Variants in LAPTM4B observed in about 807,000 individuals in gnomAD.
The protein encoded by LAPTM4B is lysosomal-associated transmembrane protein 4B.
A neutral mutation model predicts 28.5 loss-of-function variants in LAPTM4B; 26 were observed. The observed-to-expected ratio is 0.91, with a 90% CI of 0.67 to 1.27. The LOEUF is 1.27. Among genes scored for constraint, LAPTM4B ranks in the 50% most tolerant of loss-of-function variants. The probability of loss-of-function intolerance (pLI) is 0.00; values close to 1 mark genes in which losing one functional copy is unlikely to be tolerated. For missense variants in LAPTM4B, 288 were observed against 285.8 expected (o/e 1.01, Z -0.06); for synonymous variants, 109 against 106.4 (o/e 1.02, Z -0.15).
intron 1 of LAPTM4B, among the ~76,000 whole-genome samples, chr8:97,797,514 A>C (rs2129753651): frequency 6.6e-6 from 1 of 152,346 alleles, no homozygotes; most frequent in African/African-American, 2.4e-5. Context: ...TTTAAAAAAT[A>C]AGATTTTAAT....
At chr8:97,817,233 G>A (rs1251872726) in intron 4 of LAPTM4B, among the ~76,000 whole-genome samples, 3 of 151,308 alleles carry the variant, frequency 2.0e-5, no homozygotes, top group East Asian at 2.0e-4. Flanking sequence ...CCAGGCTCCC[G>A]TGATCCTCCC....
intron 2 of LAPTM4B, among the ~76,000 whole-genome samples, chr8:97,812,954 C>G (rs1020199701): frequency 1.3e-5 from 2 of 152,250 alleles, no homozygotes; most frequent in Non-Finnish European, 2.9e-5. Flanking sequence ...CCTAACCAAA[C>G]TGTGTACATT....
intron 1 of LAPTM4B, among the ~76,000 whole-genome samples, chr8:97,788,700 A>ATTT (rs11394203): frequency 6.8e-6 from 1 of 147,710 alleles, no homozygotes. Context: ...TCTGACAGCC[A>ATTT]TTTTTTTTTT....
At chr8:97,842,235 T>C (rs1817359918) in intron 6 of LAPTM4B, among the ~76,000 whole-genome samples, 1 of 152,040 alleles carries the variant, frequency 6.6e-6, no homozygotes, top group Admixed American at 6.6e-5. Flanking sequence ...ATTTTTCTTT[T>C]GAATTTTTTT....
intron 1 of LAPTM4B, among the ~76,000 whole-genome samples, chr8:97,803,092 G>A (rs532275131): frequency 8.6e-5 from 13 of 151,712 alleles, no homozygotes; most frequent in African/African-American, 2.4e-4. Context: ...CCAGCTACTC[G>A]AGAGGCTGAG....
At chr8:97,821,360 C>A (rs370602379) in intron 5 of LAPTM4B, among the ~76,000 whole-genome samples, 36 of 151,940 alleles carry the variant, frequency 2.4e-4, no homozygotes, top group African/African-American at 8.0e-4. Context: ...GTGATCAGAC[C>A]CAACACCAGG....
intron 1 of LAPTM4B, among the ~76,000 whole-genome samples, chr8:97,792,115 A>G (rs995192249): frequency 6.6e-6 from 1 of 152,326 alleles, no homozygotes; most frequent in Middle Eastern, 3.4e-3. Flanking sequence ...CTCAGAGTCT[A>G]TAACCAAAGA....
intron 1 of LAPTM4B, among the ~76,000 whole-genome samples, chr8:97,781,322 C>G (rs1361914856): frequency 1.2e-5 from 1 of 81,672 alleles, no homozygotes; most frequent in Non-Finnish European, 2.2e-5. Flanking sequence ...TCTTATTGCT[C>G]AGGCCGAAGT....
At chr8:97,850,394 G>A (rs1453397929) in intron 6 of LAPTM4B, among the ~76,000 whole-genome samples, 1 of 151,128 alleles carries the variant, frequency 6.6e-6, no homozygotes, top group African/African-American at 2.5e-5. Flanking sequence ...AGTGAGACCT[G>A]GCTTCAGCCC....
At chr8:97,820,377 T>C (rs1411110944) in intron 5 of LAPTM4B, among the ~76,000 whole-genome samples, 1 of 147,970 alleles carries the variant, frequency 6.8e-6, no homozygotes, top group African/African-American at 2.5e-5. Context: ...TCCCAAAGTT[T>C]TGGGATTACA....
At chr8:97,802,026 G>A (rs991009944) in intron 1 of LAPTM4B, among the ~76,000 whole-genome samples, 1 of 152,130 alleles carries the variant, frequency 6.6e-6, no homozygotes, top group Admixed American at 6.6e-5. Flanking sequence ...TGTTTAAAAT[G>A]TGCTATGAAA....
At chr8:97,839,561 G>A in intron 6 of LAPTM4B, among the ~76,000 whole-genome samples, 1 of 152,166 alleles carries the variant, frequency 6.6e-6, no homozygotes, top group South Asian at 2.1e-4. Context: ...CTTTCCAGTT[G>A]TTTCATCCCA....
chr8:97,835,744 AAT>A (rs1456996060), intron 6 of LAPTM4B, among the ~76,000 whole-genome samples: 2 of 152,184 alleles, frequency 1.3e-5, no homozygotes, highest in Non-Finnish European at 2.9e-5. Context: ...GTGTTATGAA[AAT>A]CACATGGTGG....
chr8:97,836,149 A>G (rs946214256), intron 6 of LAPTM4B, among the ~76,000 whole-genome samples: 1 of 152,138 alleles, frequency 6.6e-6, no homozygotes, highest in African/African-American at 2.4e-5. Context: ...GATTATGGTA[A>G]TAGGTTTCTT....
rs1231746972 is a variant in LAPTM4B, at chr8:97,832,702, T to TTTTATTTTATTTTATTTTTA, written c.603+7552_603+7553insATTTTATTTTATTTTTATTT. 3.1e-4 allele frequency among the ~76,000 whole-genome samples: 21 copies of TTTTATTTTATTTTATTTTTA among 68,054 alleles called. No homozygotes were observed. The South Asian group carries it at 9.2e-3, about 30-fold the overall frequency. 44.6% of individuals were successfully genotyped at this position (68,054 alleles called of 152,430 possible). A position where few individuals can be genotyped will look rare whatever the true frequency, so the allele number is the denominator to read the frequency against. ...TTTTATTTTATTTTATTTTATTTTA[T>TTTTATTTTATTTTATTTTTA]TTTTATTTTATTTTATTTTTTTGAG... On this transcript the variant is annotated intron_variant, in intron 6 of 6. Transcript: ENST00000521545.
chr8:97,806,278 C>T (rs772879725), intron 2 of LAPTM4B, among the ~76,000 whole-genome samples: 3 of 152,156 alleles, frequency 2.0e-5, no homozygotes, highest in Non-Finnish European at 2.9e-5. Flanking sequence ...ATCCCTTTTG[C>T]TGCTGAGTAG....
At chr8:97,813,390 C>T (rs1481843345) in intron 2 of LAPTM4B, among the ~76,000 whole-genome samples, 2 of 152,374 alleles carry the variant, frequency 1.3e-5, no homozygotes, top group East Asian at 3.9e-4. Flanking sequence ...TCATCTTCTC[C>T]TACCTGCTTT....
At chr8:97,781,843 G>T (rs1816324931) in intron 1 of LAPTM4B, among the ~76,000 whole-genome samples, 1 of 152,062 alleles carries the variant, frequency 6.6e-6, no homozygotes, top group African/African-American at 2.4e-5. Context: ...GCTTTTTATT[G>T]CTGAGTATTG....
chr8:97,816,737 T>C (rs1236553925), intron 4 of LAPTM4B, among the ~76,000 whole-genome samples: 2 of 152,160 alleles, frequency 1.3e-5, no homozygotes, highest in East Asian at 3.8e-4. Flanking sequence ...GGATAGCTTT[T>C]TGCCTTTGCT....
Sources: allele counts gnomAD v4.1 joint callset (sites outside exome capture counted in the v4.1 genomes callset), GRCh38; gene constraint gnomAD v4.1.1; transcripts MANE v1.5; gene names NCBI Gene and HGNC (gene_info 2026-07-23, HGNC 2026-07-21).